PTPRN2: variants seen among roughly 807,000 people sequenced by gnomAD.
PTPRN2 encodes the protein receptor-type tyrosine-protein phosphatase N2.
Under a neutral mutation model 118.8 loss-of-function variants are expected in PTPRN2, and 74 were observed. That is an observed-to-expected ratio of 0.62 (90% confidence interval 0.52 to 0.76). PTPRN2 has a LOEUF of 0.76. PTPRN2 is among the 30% of genes least tolerant of loss of function. The pLI is 0.00. For missense variants in PTPRN2, 1,481 were observed against 1,394.4 expected (o/e 1.06, Z -0.99); for synonymous variants, 641 against 608.0 (o/e 1.05, Z -0.80).
At chr7:157,678,738 A>G (rs1267335889) in intron 13 of PTPRN2, among the ~76,000 whole-genome samples, 1 of 152,212 alleles carries the variant, frequency 6.6e-6, no homozygotes, top group Admixed American at 6.5e-5. Context: ...TACACAAGGA[A>G]ACCTGCTGGG....
At chr7:157,658,584 G>A (rs1423958614) in intron 13 of PTPRN2, among the ~76,000 whole-genome samples, 1 of 152,238 alleles carries the variant, frequency 6.6e-6, no homozygotes, top group Non-Finnish European at 1.5e-5. Context: ...CGCAGCCTCA[G>A]GTGCTCAGAA....
chr7:158,146,348 C>T (rs535896370), intron 6 of PTPRN2, among the ~76,000 whole-genome samples: 1 of 152,178 alleles, frequency 6.6e-6, no homozygotes, highest in East Asian at 1.9e-4. Flanking sequence ...TCCATCCCTC[C>T]ACCCACTAAC....
chr7:158,353,974 C>T (rs751975311), intron 2 of PTPRN2, among the ~76,000 whole-genome samples: 38 of 152,330 alleles, frequency 2.5e-4, no homozygotes, highest in Non-Finnish European at 4.6e-4. Flanking sequence ...CTCTGCAACT[C>T]GGCCAAAGGA....
chr7:158,185,977 T>C (rs772166055), intron 5 of PTPRN2, among the ~76,000 whole-genome samples: 1 of 149,942 alleles, frequency 6.7e-6, no homozygotes, highest in Non-Finnish European at 1.5e-5. Flanking sequence ...GGGCACTCCA[T>C]AGAGGCCTGG....
intron 2 of PTPRN2, among the ~76,000 whole-genome samples, chr7:158,487,864 T>TA (rs200400079): frequency 0.2 from 29,871 of 147,674 alleles, 3,324 homozygotes; most frequent in East Asian, 0.42. Context: ...CAGTGCATCA[T>TA]AAAAAAAAAA....
intron 12 of PTPRN2, among the ~76,000 whole-genome samples, chr7:157,745,237 C>T (rs1167257019): frequency 1.3e-5 from 2 of 152,224 alleles, no homozygotes; most frequent in African/African-American, 4.8e-5. Flanking sequence ...TCCTGGGGCC[C>T]TGCCCAGGTC....
chr7:158,084,787 G>A (rs538166000), intron 10 of PTPRN2, among the ~76,000 whole-genome samples: 22 of 136,392 alleles, frequency 1.6e-4, no homozygotes, highest in Admixed American at 4.5e-4. Flanking sequence ...CCACACCCAC[G>A]ATGCCCATCC....
rs71198580 is a variant in PTPRN2 at position 158,171,308 on chromosome 7, CATATATATAT to C, written c.550-4027_550-4018del. On this transcript the variant is annotated intron_variant, in intron 5 of 22. Transcript: ENST00000389418. ...ATATATACACACATATATATACACA[CATATATATAT>C]ATATATATATATATATATATATATA... Among the ~76,000 whole-genome samples the C allele has an allele frequency of 4.8e-3, 232 of 48,656 alleles. 31 individuals carry two copies. Among genetic ancestry groups the C allele is most frequent in the Middle Eastern group, 0.025 (2 of 80 alleles). 31.9% of individuals were successfully genotyped at this position (48,656 alleles called of 152,430 possible).
At chr7:158,253,487 C>A (rs1361414984) in intron 3 of PTPRN2, among the ~76,000 whole-genome samples, 2 of 152,206 alleles carry the variant, frequency 1.3e-5, no homozygotes, top group Non-Finnish European at 2.9e-5. Flanking sequence ...CTGTTGCTTC[C>A]ACAAGGAACC....
In PTPRN2 at chr7:157,560,910, C is replaced by T. The variant is rs1799154986; in HGVS notation, c.2902+7992G>A. ...TCCCAATTCTGCCCAGCCCTCGCGT[C>T]CCCCTAAGTCTCATCTGCAGAAGGC... On this transcript the variant is annotated intron_variant, in intron 21 of 22. Coordinates refer to ENST00000389418, the MANE Select transcript of PTPRN2 (RefSeq NM_002847.5). This position sits in a 1 kb window ranked among gnomAD's most constrained non-coding sequence, Gnocchi z 6.7. Among the ~76,000 whole-genome samples, 1 of 152,202 alleles carries T rather than the reference C, an allele frequency of 6.6e-6. No individual in the cohort carries two copies. The highest frequency in any genetic ancestry group is 6.5e-5 in the Admixed American group (1 of 15,286).
intron 12 of PTPRN2, among the ~76,000 whole-genome samples, chr7:157,695,557 G>C (rs1797723919): frequency 1.3e-5 from 2 of 152,194 alleles, no homozygotes; most frequent in South Asian, 4.1e-4. Context: ...ACATTTTAAA[G>C]TAACAATGAG....
chr7:157,780,414 G>A lies in PTPRN2; in HGVS notation c.1789-97477C>T, dbSNP rs537976669. On this transcript the variant is annotated intron_variant, in intron 12 of 22. Transcript: ENST00000389418. This position sits in a 1 kb window ranked among gnomAD's most constrained non-coding sequence, Gnocchi z 4.5. Reference sequence around the variant, plus strand: ...GGCTGCTCAGCGAGGCCTCAGGAGTGTGAAGGAGGCTTGGCTGGCGGAGGG... The same window carrying A: ...GGCTGCTCAGCGAGGCCTCAGGAGTATGAAGGAGGCTTGGCTGGCGGAGGG... Among the ~76,000 whole-genome samples, 36 of 152,368 alleles carry A rather than the reference G, an allele frequency of 2.4e-4. No individual in the cohort carries two copies. The highest frequency in any genetic ancestry group is 8.4e-4 in the African/African-American group (35 of 41,594).
intron 12 of PTPRN2, among the ~76,000 whole-genome samples, chr7:157,809,338 G>A (rs1388233860): frequency 6.6e-6 from 1 of 151,804 alleles, no homozygotes; most frequent in Non-Finnish European, 1.5e-5. Flanking sequence ...CCGAGGCTGT[G>A]GAGCCAGGAG....
chr7:158,151,185 C>T (rs1302596280), intron 6 of PTPRN2, among the ~76,000 whole-genome samples: 1 of 23,586 alleles, frequency 4.2e-5, no homozygotes, highest in Non-Finnish European at 6.9e-5. Flanking sequence ...TCTGCTCCTG[C>T]CTCTCCCTGC....
intron 10 of PTPRN2, among the ~76,000 whole-genome samples, chr7:158,087,314 C>T (rs1813501900): frequency 6.6e-6 from 1 of 152,188 alleles, no homozygotes; most frequent in South Asian, 2.1e-4. Context: ...CTTTCCCGAC[C>T]CTGGACCGTG....
At chr7:157,846,738 T>G (rs1366362552) in intron 12 of PTPRN2, among the ~76,000 whole-genome samples, 2 of 150,732 alleles carry the variant, frequency 1.3e-5, no homozygotes, top group Non-Finnish European at 3.0e-5. Context: ...GAGCCCTCTC[T>G]CACTCCATCA....
intron 16 of PTPRN2, 40 bp from the exon 17 acceptor site, chr7:157,595,355 ATTAGGAAGCCTGGAGG>A (rs753018689): frequency 1.4e-4 from 164 of 1,208,988 alleles, no homozygotes; most frequent in Middle Eastern, 9.0e-4. Context: ...TAGCCAGGAG[ATTAGGAAGCCTGGAGG>A]TTAGGAAGCC....
At chr7:157,569,371 G>A (rs1799649459) in intron 20 of PTPRN2, among the ~76,000 whole-genome samples, 1 of 152,258 alleles carries the variant, frequency 6.6e-6, no homozygotes, top group Admixed American at 6.5e-5. Context: ...CCTCCCGAGC[G>A]GAGAGGGGAG....
chr7:158,512,732 G>A (rs1823268225), intron 1 of PTPRN2, among the ~76,000 whole-genome samples: 2 of 152,140 alleles, frequency 1.3e-5, no homozygotes, highest in African/African-American at 4.8e-5. Context: ...ACTGAGACAG[G>A]AAATACACAA....
Sources: gnomAD v4.1 joint callset for allele counts (sites outside exome capture counted in the v4.1 genomes callset) on GRCh38, gnomAD v4.1.1 for gene constraint, Gnocchi (gnomAD v3.1) non-coding constraint, MANE v1.5 for transcripts, NCBI Gene and HGNC (gene_info 2026-07-23, HGNC 2026-07-21) for gene names.